The following RPS6KC1 variants were observed in gnomAD, a reference collection of about 807,000 sequenced individuals.
RPS6KC1 encodes the protein inactive ribosomal protein S6 kinase delta-1.
A neutral mutation model predicts 103.8 loss-of-function variants in RPS6KC1; 54 were observed. The ratio of observed to expected loss-of-function variants is 0.52; its 90% CI spans 0.42 to 0.65. The LOEUF is 0.65. RPS6KC1 is among the 30% of genes least tolerant of loss of function. The probability of loss-of-function intolerance (pLI) is 0.00; values close to 1 mark genes in which losing one functional copy is unlikely to be tolerated. For missense variants in RPS6KC1, 1,151 were observed against 1,253.8 expected (o/e 0.92, Z 1.24); for synonymous variants, 439 against 438.7 (o/e 1.00, Z -0.01).
At chr1:213,693,071 C>T in the RPS6KC1 span, among the ~76,000 whole-genome samples, 1 of 152,178 alleles carries the variant, frequency 6.6e-6, no homozygotes. Context: ...AAGAAAAAAA[C>T]CCCAAATCTG....
At chr1:213,301,698 C>CTTATTTATTTAT in the RPS6KC1 span, among the ~76,000 whole-genome samples, 77 of 141,252 alleles carry the variant, frequency 5.5e-4, no homozygotes, top group South Asian at 1.2e-3. Flanking sequence ...GACCCATTTA[C>CTTATTTATTTAT]TTATTTATTT....
chr1:213,330,956 T>C, the RPS6KC1 span, among the ~76,000 whole-genome samples: 1 of 152,072 alleles, frequency 6.6e-6, no homozygotes, highest in African/African-American at 2.4e-5. Flanking sequence ...GGCAATCTGC[T>C]GGAAAGGCAG....
At chr1:213,728,952 T>G in the RPS6KC1 span, among the ~76,000 whole-genome samples, 1 of 134,416 alleles carries the variant, frequency 7.4e-6, no homozygotes, top group Non-Finnish European at 1.5e-5. Context: ...TTTTTTGTTT[T>G]TTTTTTTTTT....
At chr1:213,235,003 A>G (rs1285122696) in intron 10 of RPS6KC1, among the ~76,000 whole-genome samples, 1 of 152,210 alleles carries the variant, frequency 6.6e-6, no homozygotes, top group Non-Finnish European at 1.5e-5. Context: ...GATGATGAAC[A>G]GTGTGTTTTC....
chr1:213,794,588 C>T, the RPS6KC1 span: 2 of 152,160 alleles, frequency 1.3e-5, no homozygotes, highest in Admixed American at 1.3e-4. Flanking sequence ...TAAAAAATCA[C>T]TCCATTTGCA....
the RPS6KC1 span, among the ~76,000 whole-genome samples, chr1:213,614,900 A>G: frequency 6.6e-6 from 1 of 152,066 alleles, no homozygotes; most frequent in East Asian, 1.9e-4. Context: ...ATTGAGACAC[A>G]GGTCTTATGA....
chr1:213,072,902 A>G, intron 2 of RPS6KC1: 1 of 979,068 alleles, frequency 1.0e-6, no homozygotes, highest in Non-Finnish European at 1.2e-6. Context: ...CCATGAACAT[A>G]CTCTCTGCCA....
At chr1:213,705,495 G>A in the RPS6KC1 span, among the ~76,000 whole-genome samples, 1 of 152,154 alleles carries the variant, frequency 6.6e-6, no homozygotes, top group Non-Finnish European at 1.5e-5. Flanking sequence ...ATGCTGCCTG[G>A]GCCTGGGACT....
chr1:213,831,551 T>C, the RPS6KC1 span, among the ~76,000 whole-genome samples: 1 of 152,212 alleles, frequency 6.6e-6, no homozygotes, highest in Admixed American at 6.5e-5. Flanking sequence ...ATATATATTG[T>C]TTTAAGCCAC....
intron 8 of RPS6KC1, among the ~76,000 whole-genome samples, chr1:213,226,112 A>T (rs1478787888): frequency 6.6e-6 from 1 of 151,608 alleles, no homozygotes; most frequent in Non-Finnish European, 1.5e-5. Context: ...AGTCCCAGCT[A>T]CTCCGGAGGC....
At chr1:213,492,263 T>C in the RPS6KC1 span, 2 of 152,268 alleles carry the variant, frequency 1.3e-5, no homozygotes, top group African/African-American at 4.8e-5. Flanking sequence ...TTGCGCTATC[T>C]GCATTGGAGC....
At chr1:213,572,899 T>A in the RPS6KC1 span, among the ~76,000 whole-genome samples, 1 of 152,196 alleles carries the variant, frequency 6.6e-6, no homozygotes, top group East Asian at 1.9e-4. Flanking sequence ...GCTTAGGAAC[T>A]AACAAAAACA....
At chr1:213,755,853 T>C in the RPS6KC1 span, among the ~76,000 whole-genome samples, 3 of 152,244 alleles carry the variant, frequency 2.0e-5, no homozygotes, top group Admixed American at 6.5e-5. Flanking sequence ...GATTAAGGTA[T>C]GTGCATTCTG....
At chr1:213,467,464 C>T in the RPS6KC1 span, among the ~76,000 whole-genome samples, 1 of 152,206 alleles carries the variant, frequency 6.6e-6, no homozygotes, top group South Asian at 2.1e-4. Context: ...GAACTGTGTT[C>T]TTTGAAGCAA....
chr1:213,424,525 T>TCAGGA, the RPS6KC1 span, among the ~76,000 whole-genome samples: 3 of 152,238 alleles, frequency 2.0e-5, no homozygotes, highest in Non-Finnish European at 4.4e-5. Flanking sequence ...GCTGGTGCCC[T>TCAGGA]TGTGTTACTC....
the RPS6KC1 span, among the ~76,000 whole-genome samples, chr1:213,549,772 ATT>A: frequency 2.3e-4 from 35 of 151,832 alleles, no homozygotes; most frequent in African/African-American, 8.0e-4. Context: ...TTTCTCACCT[ATT>A]AGAAAGAGGA....
At chr1:213,333,660 A>G in the RPS6KC1 span, among the ~76,000 whole-genome samples, 1 of 151,916 alleles carries the variant, frequency 6.6e-6, no homozygotes, top group Non-Finnish European at 1.5e-5. Flanking sequence ...ATTTTATCTT[A>G]TTTTATTTTA....
In RPS6KC1 at chr1:213,259,981, C is replaced by T. The variant is rs532732096; in HGVS notation, c.2912-1577C>T. Among the ~76,000 whole-genome samples the T allele has an allele frequency of 2.6e-5, 4 of 152,142 alleles. No individual in the cohort carries two copies. The South Asian group carries it at 8.3e-4, about 32-fold the overall frequency. On this transcript the variant is annotated intron_variant, in intron 12 of 14. Coordinates refer to ENST00000366960, the MANE Select transcript of RPS6KC1 (RefSeq NM_012424.6). ...CCTGAACCTCTGACCTCAGGTGATCCGCCTGCCTCAGCCTCCCAAAGTGCT... is the reference window on the plus strand; with the variant it reads ...CCTGAACCTCTGACCTCAGGTGATCTGCCTGCCTCAGCCTCCCAAAGTGCT...
the RPS6KC1 span, among the ~76,000 whole-genome samples, chr1:213,773,628 G>A: frequency 0.061 from 9,254 of 151,496 alleles, 354 homozygotes; most frequent in Middle Eastern, 0.16. Flanking sequence ...TTATGTTTGT[G>A]GTGACTGGCA....
Sources: allele counts gnomAD v4.1 joint callset (sites outside exome capture counted in the v4.1 genomes callset), GRCh38; gene constraint gnomAD v4.1.1; transcripts MANE v1.5; gene names NCBI Gene and HGNC (gene_info 2026-07-23, HGNC 2026-07-21).